Variants in BRAT1 observed in about 807,000 individuals in gnomAD.
BRAT1 encodes the protein integrator complex assembly factor BRAT1.
In BRAT1, 74 loss-of-function variants were observed where a neutral mutation model predicts 70.6. That is an observed-to-expected ratio of 1.05 (90% CI 0.87 to 1.27). BRAT1 has a LOEUF of 1.27. Among genes scored for constraint, BRAT1 ranks in the 50% most tolerant of loss-of-function variants. The probability of loss-of-function intolerance (pLI) is 0.00; values close to 1 mark genes in which losing one functional copy is unlikely to be tolerated. For missense variants in BRAT1, 1,203 were observed against 1,098.2 expected (o/e 1.10, Z -1.35); for synonymous variants, 615 against 517.1 (o/e 1.19, Z -2.57).
At chr7:2,539,741 C>A in intron 11 of BRAT1, 45 bp downstream of exon 11, 1 of 1,568,482 alleles carries the variant, frequency 6.4e-7, no homozygotes, top group East Asian at 2.3e-5. Flanking sequence ...CTGCCTCCAC[C>A]CCTGCGACTC....
At chr7:2,547,854 C>T (rs1209080046) in intron 2 of BRAT1, among the ~76,000 whole-genome samples, 2 of 152,136 alleles carry the variant, frequency 1.3e-5, no homozygotes, top group African/African-American at 4.8e-5. Flanking sequence ...GAGGCCAAGG[C>T]GGGTGGTCAC....
Position 2,543,837 on chromosome 7 carries a change from G to C in BRAT1, c.556C>G (p.Leu186Val), listed in dbSNP as rs761039052. ...CACGCGGGCCAGTCACCCCCCGGCA[G>C]GCAGGGCTGCCCCTCGGCTCCACCT... The part of the protein sequence containing the change: ...MRGGAEGQPC[L>V]PGGDWPACAQ... Residue 186 changes from leucine to valine, a missense_variant, in exon 5 of 14, where the codon CTG (leucine) becomes GTG (valine). Coordinates refer to ENST00000340611, the MANE Select transcript of BRAT1 (RefSeq NM_152743.4). This position sits in a 1 kb window ranked among gnomAD's most constrained non-coding sequence, Gnocchi z 5.5. 6.2e-7 allele frequency: 1 copy of C among 1,612,980 alleles called. No individual in the cohort carries two copies. The highest frequency in any genetic ancestry group is 8.5e-7 in the Non-Finnish European group (1 of 1,179,946).
intron 6 of BRAT1, 96 bp from the exon 7 acceptor site, chr7:2,542,307 G>A (rs1453746367): frequency 1.4e-5 from 15 of 1,068,676 alleles, no homozygotes; most frequent in Non-Finnish European, 2.0e-5. Flanking sequence ...AAATCAGCCA[G>A]GGGGTTGGGA....
At chr7:2,551,389 C>T (rs2128410497) in intron 2 of BRAT1, among the ~76,000 whole-genome samples, 1 of 151,432 alleles carries the variant, frequency 6.6e-6, no homozygotes. Flanking sequence ...CTGAAAAATA[C>T]TTCTTAAAAT....
chr7:2,542,032 G>A (rs1363646663), intron 7 of BRAT1, 88 bp downstream of exon 7: 42 of 1,311,984 alleles, frequency 3.2e-5, no homozygotes, highest in Non-Finnish European at 4.3e-5. Flanking sequence ...TGGGGCGGGG[G>A]TGGCGAGCCA....
chr7:2,540,168 A>G (rs759969876), intron 10 of BRAT1: 426 of 395,106 alleles, frequency 1.1e-3, no homozygotes, highest in South Asian at 1.7e-3. Flanking sequence ...AGAGGCACAC[A>G]TCACCACGCC....
rs997319988 is a variant in BRAT1, at chr7:2,543,052, G to A, written c.923+152C>T. The A allele has an allele frequency of 9.7e-6, 9 of 928,674 alleles. No homozygotes were observed. The South Asian group carries it at 1.4e-4, about 14-fold the overall frequency. 57.5% of individuals were successfully genotyped at this position (928,674 alleles called of 1,614,324 possible). A position where few individuals can be genotyped will look rare whatever the true frequency, so the allele number is the denominator to read the frequency against. ...AAAGAACCTTCAGAAGCTGCCGCGCGCAACCCACGCACCACCCAGTCACAC... is the reference window on the plus strand; with the variant it reads ...AAAGAACCTTCAGAAGCTGCCGCGCACAACCCACGCACCACCCAGTCACAC... On this transcript the variant is annotated intron_variant, in intron 6 of 13. Transcript: ENST00000340611. The surrounding 1 kb of genome is among the most constrained non-coding windows in gnomAD (Gnocchi z 5.5).
Position 2,538,721 on chromosome 7 carries a change from T to A in BRAT1, c.1814A>T (p.Glu605Val). 1 of 1,598,376 alleles carries A rather than the reference T, an allele frequency of 6.3e-7. No homozygotes were observed. The highest frequency in any genetic ancestry group is 8.5e-7 in the Non-Finnish European group (1 of 1,179,846). Residue 605 changes from glutamate (E) to valine (V), a missense_variant, in exon 14 of 14, where the codon GAG (glutamate) becomes GTG (valine). Transcript: ENST00000340611. ...CATGACCGCCCGCCGTGGGAAGCCC[T>A]CCGAGTCTACGGAGAGGATGTGCAG... The part of the protein sequence containing the change: ...ELLHILSVDS[E>V]GFPRRAVMQV...
rs1264175063 is a variant in BRAT1, at chr7:2,543,069, C to T, written c.923+135G>A. The stretch of plus-strand genomic sequence containing the variant: ...TGCCGCGCGCAACCCACGCACCACC[C>T]AGTCACACCCCGCACGGCCGCCTGA... On this transcript the variant is annotated intron_variant, in intron 6 of 13. Coordinates refer to ENST00000340611, the MANE Select transcript of BRAT1 (RefSeq NM_152743.4). This position sits in a 1 kb window ranked among gnomAD's most constrained non-coding sequence, Gnocchi z 5.5. 7 of 1,169,308 alleles carry T rather than the reference C, an allele frequency of 6.0e-6. No homozygotes were observed. The African/African-American group carries it at 9.4e-5, about 16-fold the overall frequency. 72.4% of individuals were successfully genotyped at this position (1,169,308 alleles called of 1,614,324 possible).
chr7:2,539,958 C>A (rs1779019734), intron 10 of BRAT1, 70 bp from the exon 11 acceptor site: 1 of 1,170,340 alleles, frequency 8.5e-7, no homozygotes, highest in African/African-American at 1.6e-5. Context: ...GTCCCCCTCG[C>A]CTTCACCTGT....
At chr7:2,552,106 ATTTT>A (rs1174942520) in intron 2 of BRAT1, among the ~76,000 whole-genome samples, 18 of 14,206 alleles carry the variant, frequency 1.3e-3, no homozygotes, top group African/African-American at 2.3e-3. Context: ...ATATATATAT[ATTTT>A]TTTTTTTTTT....
At position 2,554,239 on chromosome 7, in the gene BRAT1, G is replaced by A. The variant is rs113975142; in HGVS notation, c.127+66C>T. 2.1e-5 allele frequency: 33 copies of A among 1,583,434 alleles called. No individual in the cohort carries two copies. The African/African-American group carries it at 2.4e-4, about 12-fold the overall frequency. On this transcript the variant is annotated intron_variant, in intron 2 of 13. Transcript: ENST00000340611. ...ACAGGGGAGTCCCCATCTGGCCCCT[G>A]CTCCCTGTCCCAGCCTCTGCGTCTG... is the stretch of plus-strand genomic sequence containing the variant.
In BRAT1 at chr7:2,544,936, T is replaced by C; in HGVS notation, c.403A>G (p.Ser135Gly). Residue 135 changes from serine (S) to glycine (G), a missense_variant, in exon 4 of 14, where the codon AGC becomes GGC. Ser to Gly is a moderately conservative substitution (Grantham distance 56, BLOSUM62 0). Transcript: ENST00000340611. ...TGGTCGGCCAGGAAGCGCAGGGCGC[T>C]GGGGTGCTGTGCCAGGGAGCGCAGG... ...QGLRSLAQHP[S>G]ALRFLADHGA... The C allele has an allele frequency of 6.4e-7, 1 of 1,554,710 alleles. No homozygotes were observed.
chr7:2,539,800 G>A lies in BRAT1; in HGVS notation c.1484C>T (p.Pro495Leu), dbSNP rs577945739. 220 of 1,611,806 alleles carry A rather than the reference G, an allele frequency of 1.4e-4. 3 individuals carry two copies. The South Asian group carries it at 1.9e-3, about 14-fold the overall frequency. ...GGCTGCGTTACCTCTGAGGAACTGC[G>A]GGATGAGGGGGCCGAGATCAGAGCA... ...PGCSDLGPLI[P>L]QFLRELFPVL... is the part of the protein sequence containing the mutation. The change falls in exon 11 of 14, where the codon CCG (proline) becomes CTG (leucine). Residue 495 changes from proline (P) to leucine (L), a missense_variant. Pro to Leu is a moderately conservative substitution (Grantham distance 98, BLOSUM62 -3). Coordinates refer to ENST00000340611, the MANE Select transcript of BRAT1 (RefSeq NM_152743.4).
chr7:2,543,057 C>A lies in BRAT1; in HGVS notation c.923+147G>T. 1 of 1,019,792 alleles carries A rather than the reference C, an allele frequency of 9.8e-7. No homozygotes were observed. Among genetic ancestry groups the A allele is most frequent in the Non-Finnish European group, 1.4e-6 (1 of 711,040 alleles). The allele number at this position is 1,019,792 out of a possible 1,614,324, so 63.2% of individuals were successfully genotyped here. On this transcript the variant is annotated intron_variant, in intron 6 of 13. Coordinates refer to ENST00000340611, the MANE Select transcript of BRAT1 (RefSeq NM_152743.4). This position sits in a 1 kb window ranked among gnomAD's most constrained non-coding sequence, Gnocchi z 5.5. ...ACCTTCAGAAGCTGCCGCGCGCAAC[C>A]CACGCACCACCCAGTCACACCCCGC...
intron 2 of BRAT1, among the ~76,000 whole-genome samples, chr7:2,552,307 G>A (rs1307075262): frequency 6.7e-6 from 1 of 149,630 alleles, no homozygotes; most frequent in African/African-American, 2.5e-5. Context: ...TAGTAGAGAC[G>A]GGGTTTCACC....
At chr7:2,542,070 A>G in intron 7 of BRAT1, 50 bp downstream of exon 7, 2 of 1,439,042 alleles carry the variant, frequency 1.4e-6, no homozygotes, top group Non-Finnish European at 1.8e-6. Flanking sequence ...CCCTTCCCCC[A>G]GCCGCAGGGA....
At chr7:2,540,882 C>T in intron 10 of BRAT1, 97 bp downstream of exon 10, 4 of 1,240,480 alleles carry the variant, frequency 3.2e-6, no homozygotes, top group Non-Finnish European at 4.3e-6. Context: ...GTGAAGGCCC[C>T]ATCCGCAGAG....
chr7:2,537,866 A>T lies in BRAT1; in HGVS notation c.*203T>A. Reference sequence around the variant, plus strand: ...TCAAAAAGGGTTAAAGAAAGACTTCAATGCCATTTATTTTGAGTAGAAATA... The same window carrying T: ...TCAAAAAGGGTTAAAGAAAGACTTCTATGCCATTTATTTTGAGTAGAAATA... On this transcript the variant is annotated 3_prime_UTR_variant, in exon 14 of 14. Coordinates refer to ENST00000340611, the MANE Select transcript of BRAT1 (RefSeq NM_152743.4). 1.2e-6 allele frequency: 1 copy of T among 835,890 alleles called. No homozygotes were observed. The highest frequency in any genetic ancestry group is 1.7e-6 in the Non-Finnish European group (1 of 598,770). The allele number at this position is 835,890 out of a possible 1,614,324, so 51.8% of individuals were successfully genotyped here. A position where few individuals can be genotyped will look rare whatever the true frequency, so the allele number is the denominator to read the frequency against.
Sources: allele counts gnomAD v4.1 joint callset (sites outside exome capture counted in the v4.1 genomes callset), GRCh38; gene constraint gnomAD v4.1.1; non-coding constraint Gnocchi (gnomAD v3.1); transcripts MANE v1.5; gene names NCBI Gene and HGNC (gene_info 2026-07-23, HGNC 2026-07-21).